TSC22D2: variants seen among roughly 807,000 people sequenced by gnomAD.
TSC22D2 encodes TSC22 domain family protein 2.
In TSC22D2, 5 loss-of-function variants were observed where a neutral mutation model predicts 50.1. The observed-to-expected ratio is 0.10, with a 90% CI of 0.05 to 0.21. The LOEUF (loss-of-function observed/expected upper bound fraction) is 0.21, where lower values mean the gene tolerates loss of function less well. TSC22D2 is among the 10% of genes least tolerant of loss of function. The pLI is 1.00. For missense variants in TSC22D2, 1,003 were observed against 1,015.5 expected (o/e 0.99, Z 0.17); for synonymous variants, 501 against 450.1 (o/e 1.11, Z -1.43).
At position 150,465,758 on chromosome 3, in the gene TSC22D2, TA is replaced by T. The variant is rs1319479453; in HGVS notation, c.*7127del. The T allele has an allele frequency of 6.6e-6, 1 of 152,158 alleles. No homozygotes were observed. Among genetic ancestry groups the T allele is most frequent in the African/African-American group, 2.4e-5 (1 of 41,446 alleles). The allele number at this position is 152,158 out of a possible 1,614,324, so 9.4% of individuals were successfully genotyped here. On this transcript the variant is annotated 3_prime_UTR_variant, in exon 3 of 3. Transcript: ENST00000688009. ...CTTCAAACCTTTCTGCATAGTATAA[TA>T]AAAATCTCTCACTATCCCTCTCCAT...
chr3:150,448,287 G>A (rs1327389789), intron 1 of TSC22D2, among the ~76,000 whole-genome samples: 1 of 152,066 alleles, frequency 6.6e-6, no homozygotes, highest in East Asian at 1.9e-4. Context: ...ACCAACCTGG[G>A]CAACAGGGTG....
chr3:150,451,241 T>G (rs1721034720), intron 1 of TSC22D2, among the ~76,000 whole-genome samples: 1 of 152,220 alleles, frequency 6.6e-6, no homozygotes, highest in Non-Finnish European at 1.5e-5. Flanking sequence ...TATTTATTTA[T>G]TTTTTGCAGT....
rs866548901 is a variant in TSC22D2, at chr3:150,461,800, A to C, written c.*3164A>C. 3.9e-5 allele frequency: 6 copies of C among 152,076 alleles called. No homozygotes were observed. The highest frequency in any genetic ancestry group is 1.3e-4 in the Admixed American group (2 of 15,264). 9.4% of individuals were successfully genotyped at this position (152,076 alleles called of 1,614,324 possible). ...TTATTCACAAGAATTTTCACAGGTG[A>C]ATGATTATATTTCTCCAAGTTGCAA... is the stretch of plus-strand genomic sequence containing the variant. On this transcript the variant is annotated 3_prime_UTR_variant, in exon 3 of 3. Transcript: ENST00000688009.
At chr3:150,429,495 G>A (rs1159829660) in intron 1 of TSC22D2, among the ~76,000 whole-genome samples, 1 of 152,306 alleles carries the variant, frequency 6.6e-6, no homozygotes, top group Non-Finnish European at 1.5e-5. Flanking sequence ...TCATAGGACT[G>A]TAGGGAAAAC....
At chr3:150,436,361 G>GGGTCAAGCAGTCGGCCCTTTAACAAAA (rs958896127) in intron 1 of TSC22D2, among the ~76,000 whole-genome samples, 4 of 151,790 alleles carry the variant, frequency 2.6e-5, no homozygotes, top group Non-Finnish European at 5.9e-5. Context: ...CTTTAACAAA[G>GGGTCAAGCAGTCGGCCCTTTAACAAAA]GGTCAAGCAG....
intron 1 of TSC22D2, among the ~76,000 whole-genome samples, chr3:150,449,782 G>A (rs1720986217): frequency 6.6e-6 from 1 of 152,018 alleles, no homozygotes; most frequent in Non-Finnish European, 1.5e-5. Context: ...GTCGGGAGAG[G>A]AGAGAAAAGG....
intron 1 of TSC22D2, chr3:150,423,037 C>G (rs555759536): frequency 1.2e-6 from 2 of 1,609,182 alleles, no homozygotes; most frequent in Admixed American, 1.7e-5. Context: ...ATTTGATTCT[C>G]GGATCTCACA....
At chr3:150,430,057 A>C (rs143955839) in intron 1 of TSC22D2, among the ~76,000 whole-genome samples, 19 of 152,166 alleles carry the variant, frequency 1.2e-4, no homozygotes, top group African/African-American at 4.6e-4. Context: ...TAATATGGAA[A>C]ATGGTAAATA....
chr3:150,450,436 ATC>A (rs2108099895), intron 1 of TSC22D2, among the ~76,000 whole-genome samples: 1 of 152,012 alleles, frequency 6.6e-6, no homozygotes, highest in East Asian at 1.9e-4. Flanking sequence ...GCTAATAATA[ATC>A]TCTATGGGGC....
In TSC22D2 at chr3:150,463,557, T is replaced by C. The variant is rs1721475273; in HGVS notation, c.*4921T>C. ...AGTTCACAGAATTTCTACAGCAAGA[T>C]CCCTTTAAATGTATGGCTTTCCTTC... On this transcript the variant is annotated 3_prime_UTR_variant, in exon 3 of 3. Transcript: ENST00000688009. 1 of 152,212 alleles carries C rather than the reference T, an allele frequency of 6.6e-6. No homozygotes were observed. Among genetic ancestry groups the C allele is most frequent in the Non-Finnish European group, 1.5e-5 (1 of 68,044 alleles). The allele number at this position is 152,212 out of a possible 1,614,324, so 9.4% of individuals were successfully genotyped here.
chr3:150,414,714 A>G (rs191933378), intron 1 of TSC22D2, among the ~76,000 whole-genome samples: 1 of 152,148 alleles, frequency 6.6e-6, no homozygotes, highest in East Asian at 1.9e-4. Context: ...ATATATTTTA[A>G]ACCAAATTCT....
intron 1 of TSC22D2, among the ~76,000 whole-genome samples, chr3:150,455,208 C>T (rs1258566979): frequency 6.6e-6 from 1 of 152,008 alleles, no homozygotes; most frequent in Non-Finnish European, 1.5e-5. Flanking sequence ...TCTTTTTTGC[C>T]AAAATGTGTT....
intron 1 of TSC22D2, among the ~76,000 whole-genome samples, chr3:150,439,784 A>G (rs1274876663): frequency 6.6e-6 from 1 of 152,144 alleles, no homozygotes; most frequent in Non-Finnish European, 1.5e-5. Flanking sequence ...CCTAAGTATG[A>G]GTCGTGAAAG....
chr3:150,414,203 C>T (rs1433982137), intron 1 of TSC22D2, among the ~76,000 whole-genome samples: 1 of 152,194 alleles, frequency 6.6e-6, no homozygotes. Context: ...GTTTATCTTT[C>T]TGGCCATTTT....
chr3:150,416,216 A>AT (rs1409298599), intron 1 of TSC22D2, among the ~76,000 whole-genome samples: 1 of 152,164 alleles, frequency 6.6e-6, no homozygotes, highest in African/African-American at 2.4e-5. Flanking sequence ...TCTTTGAAGA[A>AT]TTGTTTTAGT....
chr3:150,433,380 A>G (rs533845010), intron 1 of TSC22D2, among the ~76,000 whole-genome samples: 45 of 152,358 alleles, frequency 3.0e-4, no homozygotes, highest in Non-Finnish European at 5.1e-4. Context: ...TTCAGTATCA[A>G]TGCTAATGGT....
chr3:150,448,827 G>A (rs1044238908), intron 1 of TSC22D2, among the ~76,000 whole-genome samples: 24 of 151,122 alleles, frequency 1.6e-4, no homozygotes, highest in African/African-American at 5.8e-4. Flanking sequence ...TCATAACTTG[G>A]AAATGTGAAA....
In TSC22D2 at chr3:150,431,224, C is replaced by CAAAAAA. The variant is rs71138443; in HGVS notation, c.1958+19938_1958+19943dup. 2.9e-3 allele frequency among the ~76,000 whole-genome samples: 80 copies of CAAAAAA among 27,966 alleles called. 9 individuals carry two copies. Among genetic ancestry groups the CAAAAAA allele is most frequent in the Non-Finnish European group, 3.4e-3 (57 of 16,702 alleles). 18.3% of individuals were successfully genotyped at this position (27,966 alleles called of 152,430 possible). A position where few individuals can be genotyped will look rare whatever the true frequency, so the allele number is the denominator to read the frequency against. On this transcript the variant is annotated intron_variant, in intron 1 of 2. Transcript: ENST00000688009. ...TGGGTGACAGAGTGAGGCTCTGTCT[C>CAAAAAA]AAAAAAAAAAAAAAAAAAAAAAAAA...
chr3:150,408,736 A>T lies in TSC22D2; in HGVS notation c.-615A>T, dbSNP rs1413262870. On this transcript the variant is annotated 5_prime_UTR_variant, in exon 1 of 3. Coordinates refer to ENST00000688009, the MANE Select transcript of TSC22D2 (RefSeq NM_001303264.2). Reference sequence around the variant, plus strand: ...GGCCGCCTGCCCGCGCCACAGCCCCACCGCCCGCCCGCGGACCTTCAGCCA... The same window carrying T: ...GGCCGCCTGCCCGCGCCACAGCCCCTCCGCCCGCCCGCGGACCTTCAGCCA... The T allele has an allele frequency of 6.5e-6, 1 of 152,930 alleles. No homozygotes were observed. Among genetic ancestry groups the T allele is most frequent in the African/African-American group, 2.4e-5 (1 of 41,296 alleles). The allele number at this position is 152,930 out of a possible 1,614,324, so 9.5% of individuals were successfully genotyped here.
Sources: allele counts gnomAD v4.1 joint callset (sites outside exome capture counted in the v4.1 genomes callset), GRCh38; gene constraint gnomAD v4.1.1; transcripts MANE v1.5; gene names NCBI Gene and HGNC (gene_info 2026-07-23, HGNC 2026-07-21).